Variants in NAV2 observed in about 807,000 individuals in gnomAD.
NAV2 encodes neuron navigator 2.
NAV2 carries 54 observed loss-of-function variants against 223.2 expected under a neutral mutation model. The observed-to-expected ratio is 0.24, with a 90% confidence interval of 0.19 to 0.30. The LOEUF (loss-of-function observed/expected upper bound fraction) is 0.30. Among genes scored for constraint, NAV2 ranks in the 10% least tolerant of loss-of-function variants. The probability of loss-of-function intolerance (pLI) is 1.00; values close to 1 mark genes in which losing one functional copy is unlikely to be tolerated. For synonymous variants in NAV2, 1,279 were observed against 1,239.3 expected (o/e 1.03, Z -0.67); for missense variants, 2,806 against 3,147.5 (o/e 0.89, Z 2.60).
chr11:20,032,032 A>G (rs2055810656), intron 11 of NAV2, among the ~76,000 whole-genome samples: 1 of 152,200 alleles, frequency 6.6e-6, no homozygotes, highest in African/African-American at 2.4e-5. Flanking sequence ...TTGTACCCTG[A>G]ATGGGAAAAG....
intron 1 of NAV2, among the ~76,000 whole-genome samples, chr11:19,651,480 C>T (rs1216321741): frequency 6.6e-6 from 1 of 152,132 alleles, no homozygotes; most frequent in Non-Finnish European, 1.5e-5. Flanking sequence ...CACTGCACAC[C>T]CCACCGGGCC....
intron 1 of NAV2, among the ~76,000 whole-genome samples, chr11:19,706,981 A>G (rs561275034): frequency 1.1e-3 from 170 of 152,348 alleles, no homozygotes; most frequent in African/African-American, 4.0e-3. Flanking sequence ...TTACAACACA[A>G]TGGTATTTGT....
intron 1 of NAV2, among the ~76,000 whole-genome samples, chr11:19,729,064 G>C (rs2051506850): frequency 6.6e-6 from 1 of 152,132 alleles, no homozygotes; most frequent in African/African-American, 2.4e-5. Flanking sequence ...GTCTGATTTT[G>C]CAGATCTGGG....
At chr11:19,523,686 A>G (rs1252845738) in intron 1 of NAV2, among the ~76,000 whole-genome samples, 3 of 152,206 alleles carry the variant, frequency 2.0e-5, no homozygotes, top group Admixed American at 2.0e-4. Flanking sequence ...ACTTAATGCC[A>G]TCGTTTGCAC....
At chr11:19,419,256 A>G (rs954390642) in intron 1 of NAV2, among the ~76,000 whole-genome samples, 10 of 152,196 alleles carry the variant, frequency 6.6e-5, no homozygotes, top group Non-Finnish European at 1.3e-4. Context: ...TCTTTCAAAA[A>G]CATGTGACTT....
chr11:19,408,508 C>T (rs933633780), intron 1 of NAV2, among the ~76,000 whole-genome samples: 1 of 152,110 alleles, frequency 6.6e-6, no homozygotes, highest in Non-Finnish European at 1.5e-5. Flanking sequence ...TTGGGAATCC[C>T]CTTGGCAGTT....
chr11:19,662,833 C>T (rs2048322895), intron 1 of NAV2, among the ~76,000 whole-genome samples: 1 of 152,232 alleles, frequency 6.6e-6, no homozygotes, highest in Non-Finnish European at 1.5e-5. Context: ...GCTGCACGCC[C>T]TCCTCTTGCC....
At chr11:19,421,354 A>G (rs1850604039) in intron 1 of NAV2, among the ~76,000 whole-genome samples, 1 of 152,174 alleles carries the variant, frequency 6.6e-6, no homozygotes, top group South Asian at 2.1e-4. Context: ...CCTGGCTCTA[A>G]GGCGTGCATG....
rs55670601 is a variant in NAV2 at position 19,612,443 on chromosome 11, C to T, written c.76-220041C>T. On this transcript the variant is annotated intron_variant, in intron 1 of 37. Transcript: ENST00000360655. ...GCTGCAAATTTTCCAAACTTTTATG[C>T]TCTGCTTCCCTTATAAAAAGGAATG... 4.6e-3 allele frequency among the ~76,000 whole-genome samples: 705 copies of T among 152,314 alleles called. 3 individuals are homozygous for T. The highest frequency in any genetic ancestry group is 0.015 in the African/African-American group (621 of 41,560).
intron 1 of NAV2, among the ~76,000 whole-genome samples, chr11:19,437,393 T>C (rs1028361011): frequency 2.0e-5 from 3 of 152,138 alleles, no homozygotes; most frequent in African/African-American, 7.2e-5. Context: ...ATCAATCAGA[T>C]TAAACCTGTA....
intron 1 of NAV2, among the ~76,000 whole-genome samples, chr11:19,726,642 T>G (rs965753502): frequency 5.3e-5 from 8 of 152,246 alleles, no homozygotes; most frequent in Non-Finnish European, 1.0e-4. Context: ...TTTTCAGATT[T>G]TCTTTTTTAT....
intron 32 of NAV2, among the ~76,000 whole-genome samples, chr11:20,101,922 G>A (rs1389954552): frequency 2.0e-5 from 3 of 152,176 alleles, no homozygotes; most frequent in African/African-American, 4.8e-5. Flanking sequence ...GAGAATCAAA[G>A]GTGGATTGGA....
rs201928802 is a variant in NAV2 at position 19,453,709 on chromosome 11, A to G, written c.75+102682A>G. ...TCTCTGCACAATCCTCAGGGCCCCCACAGCTCTCTCCTCCTCCTGAAATCC... is the reference window on the plus strand; with the variant it reads ...TCTCTGCACAATCCTCAGGGCCCCCGCAGCTCTCTCCTCCTCCTGAAATCC... On this transcript the variant is annotated intron_variant, in intron 1 of 37. Coordinates refer to the NAV2 transcript ENST00000360655. 2.5e-4 allele frequency among the ~76,000 whole-genome samples: 38 copies of G among 152,262 alleles called. No individual in the cohort carries two copies. In the East Asian group the frequency reaches 6.9e-3, roughly 28 times the overall value.
chr11:19,740,020 G>A (rs910073291), intron 1 of NAV2, among the ~76,000 whole-genome samples: 2 of 152,154 alleles, frequency 1.3e-5, no homozygotes, highest in African/African-American at 2.4e-5. Flanking sequence ...TTCGTACTCC[G>A]AGCAGGCTCC....
In NAV2 at chr11:19,880,248, G is replaced by A. The variant is rs1591038503; in HGVS notation, c.770+121G>A. ...GCTTCTTCAATGCTGAGAGCTACTG[G>A]TGGTTAGTGGGAAATTAGCATGGCC... On this transcript the variant is annotated intron_variant, in intron 5 of 37. Transcript: ENST00000349880. The A allele has an allele frequency of 1.2e-5, 16 of 1,347,432 alleles. No individual in the cohort carries two copies. The East Asian group carries it at 3.8e-4, about 32-fold the overall frequency. The allele number at this position is 1,347,432 out of a possible 1,614,324, so 83.5% of individuals were successfully genotyped here. A position where few individuals can be genotyped will look rare whatever the true frequency, so the allele number is the denominator to read the frequency against.
At chr11:19,371,245 T>C (rs1848458820) in intron 1 of NAV2, among the ~76,000 whole-genome samples, 1 of 151,996 alleles carries the variant, frequency 6.6e-6, no homozygotes, top group Non-Finnish European at 1.5e-5. Context: ...CTGTTTATTA[T>C]CTTGATTTTT....
intron 1 of NAV2, among the ~76,000 whole-genome samples, chr11:19,696,309 G>A (rs1426942996): frequency 6.6e-6 from 1 of 152,240 alleles, no homozygotes; most frequent in Non-Finnish European, 1.5e-5. Flanking sequence ...AAGTGCATTT[G>A]TCCATTTCAA....
At position 20,044,095 on chromosome 11, in the gene NAV2, T is replaced by C. The variant is rs1354034294; in HGVS notation, c.3022T>C (p.Trp1008Arg). The change falls in exon 13 of 38, where the codon TGG becomes CGG. Residue 1008 changes from tryptophan (W) to arginine (R), a missense_variant. Physicochemically the swap from Trp to Arg is moderately radical, Grantham distance 101. This residue lies in a region of NAV2 where 742 missense variants were observed against 777.9 expected (regional missense o/e 0.95). Coordinates refer to ENST00000349880, the MANE Select transcript of NAV2 (RefSeq NM_145117.5). Reference protein sequence around the residue: ...SGIKMEPGSKWRRNPSDVSDE... With the variant: ...SGIKMEPGSKRRRNPSDVSDE... ...CATAAAAATGGAGCCAGGTTCCAAG[T>C]GGAGGCGGAATCCTTCTGATGTGTC... The C allele has an allele frequency of 6.2e-6, 10 of 1,614,168 alleles. No individual in the cohort carries two copies. Among genetic ancestry groups the C allele is most frequent in the Non-Finnish European group, 8.5e-6 (10 of 1,180,020 alleles).
intron 8 of NAV2, among the ~76,000 whole-genome samples, chr11:19,943,712 T>C (rs1001500756): frequency 3.9e-5 from 6 of 152,202 alleles, no homozygotes; most frequent in African/African-American, 1.4e-4. Context: ...GCTTGTGCTA[T>C]GTTCTAGATG....
Sources: allele counts gnomAD v4.1 joint callset (sites outside exome capture counted in the v4.1 genomes callset), GRCh38; gene constraint gnomAD v4.1.1; regional missense constraint gnomAD v4.1.1; transcripts MANE v1.5; gene names NCBI Gene and HGNC (gene_info 2026-07-23, HGNC 2026-07-21).